CARNS1: variants seen among roughly 807,000 people sequenced by gnomAD.
CARNS1 encodes the protein ATP-grasp domain containing 1.
In CARNS1, 61 loss-of-function variants were observed where a neutral mutation model predicts 74.0. That is an observed-to-expected ratio of 0.82 (90% CI 0.67 to 1.02). The LOEUF is 1.02. Among genes scored for constraint, CARNS1 ranks in the 50% least tolerant of loss-of-function variants. The probability of loss-of-function intolerance (pLI) is 0.00; values close to 1 mark genes in which losing one functional copy is unlikely to be tolerated. For synonymous variants in CARNS1, 568 were observed against 605.5 expected (o/e 0.94, Z 0.91); for missense variants, 1,278 against 1,308.4 (o/e 0.98, Z 0.36).
In CARNS1 at chr11:67,417,431, G is replaced by A. The variant is rs376002904; in HGVS notation, c.28G>A (p.Glu10Lys). MLSLDPSGP[E>K]WDCPLGSKDL... ...GCTCTCCCTGGATCCATCGGGTCCC[G>A]AGTGGGATTGCCCACTGGGCTCCAA... is the stretch of plus-strand genomic sequence containing the variant. Residue 10 changes from glutamate to lysine, a missense_variant, in exon 3 of 10, where the codon GAG (glutamate) becomes AAG (lysine). Coordinates refer to ENST00000687366, the MANE Select transcript of CARNS1 (RefSeq NM_001166222.2). 42 of 1,401,952 alleles carry A rather than the reference G, an allele frequency of 3.0e-5. 1 individual carries two copies. In the South Asian group the frequency reaches 4.3e-4, roughly 14 times the overall value. 86.8% of individuals were successfully genotyped at this position (1,401,952 alleles called of 1,614,324 possible). A position where few individuals can be genotyped will look rare whatever the true frequency, so the allele number is the denominator to read the frequency against.
rs765270372 is a variant in CARNS1 at position 67,424,190 on chromosome 11, C to A, written c.2442C>A (p.Asn814Lys). 4.3e-6 allele frequency: 7 copies of A among 1,613,880 alleles called. No homozygotes were observed. The South Asian group carries it at 7.7e-5, about 18-fold the overall frequency. ...CTGGGCCTCGGCTTATCGAGATCAACCCCCGCATGGGTGGCTTCTACCTGC... is the reference window on the plus strand; with the variant it reads ...CTGGGCCTCGGCTTATCGAGATCAAACCCCGCATGGGTGGCTTCTACCTGC... ...TGAGPRLIEI[N>K]PRMGGFYLRD... Residue 814 changes from asparagine to lysine, a missense_variant, in exon 10 of 10, where the codon AAC (asparagine) becomes AAA (lysine). Physicochemically the swap from Asn to Lys is moderately conservative, Grantham distance 94. Coordinates refer to ENST00000687366, the MANE Select transcript of CARNS1 (RefSeq NM_001166222.2).
chr11:67,424,515 C>A lies in CARNS1; in HGVS notation c.2767C>A (p.Arg923Ser). The A allele has an allele frequency of 6.3e-7, 1 of 1,593,724 alleles. No homozygotes were observed. Among genetic ancestry groups the A allele is most frequent in the Non-Finnish European group, 8.5e-7 (1 of 1,171,894 alleles). The change falls in exon 10 of 10, where the codon CGT becomes AGT. Residue 923 changes from arginine to serine, a missense_variant. By Grantham distance (110) the Arg-to-Ser change is moderately radical. Transcript: ENST00000687366. Reference sequence around the variant, plus strand: ...TGCCGGACCCAGCCCCACCGAGGCCCGTCTCCGCCTGCTGGGCCTCTGCCA... The same window carrying A: ...TGCCGGACCCAGCCCCACCGAGGCCAGTCTCCGCCTGCTGGGCCTCTGCCA... ...ACAGPSPTEA[R>S]LRLLGLCQGL...
rs1323128356 is a variant in CARNS1, at chr11:67,424,086, G to C, written c.2338G>C (p.Val780Leu). The change falls in exon 10 of 10, where the codon GTT (valine) becomes CTT (leucine). Residue 780 changes from valine (V) to leucine (L), a missense_variant. Coordinates refer to ENST00000687366, the MANE Select transcript of CARNS1 (RefSeq NM_001166222.2). ...GLAPEQEAQM[V>L]QAAFRCCLGC... ...GGCACCAGAGCAGGAGGCACAGATG[G>C]TTCAGGCAGCCTTCCGCTGTTGCCT... is the stretch of plus-strand genomic sequence containing the variant. 6.2e-7 allele frequency: 1 copy of C among 1,613,606 alleles called. No homozygotes were observed. Among genetic ancestry groups the C allele is most frequent in the Non-Finnish European group, 8.5e-7 (1 of 1,179,786 alleles).
chr11:67,423,365 G>A lies in CARNS1; in HGVS notation c.1627-10G>A, dbSNP rs886211292. The stretch of plus-strand genomic sequence containing the variant: ...TGACCTGGATATGCCCCACCCTGTG[G>A]CTTCTGCAGCTGCACCTCGTGGAGT... On this transcript the variant is annotated splice_polypyrimidine_tract_variant and intron_variant, in intron 9 of 9. Transcript: ENST00000687366. The surrounding 1 kb of genome is among the most constrained non-coding windows in gnomAD (Gnocchi z 5.1). The A allele has an allele frequency of 5.0e-6, 8 of 1,590,996 alleles. No individual in the cohort carries two copies. In the Admixed American group the frequency reaches 5.1e-5, roughly 10 times the overall value.
rs774816159 is a variant in CARNS1 at position 67,418,415 on chromosome 11, T to C, written c.275-16T>C. 3.5e-6 allele frequency: 5 copies of C among 1,438,706 alleles called. No homozygotes were observed. The highest frequency in any genetic ancestry group is 5.4e-5 in the East Asian group (2 of 37,140). The allele number at this position is 1,438,706 out of a possible 1,614,324, so 89.1% of individuals were successfully genotyped here. Reference sequence around the variant, plus strand: ...AGGGCGCCCCTGGTGAGCTGGGCCATGTTCTCTTTCCCGAGGCTGTCCTGG... The same window carrying C: ...AGGGCGCCCCTGGTGAGCTGGGCCACGTTCTCTTTCCCGAGGCTGTCCTGG... On this transcript the variant is annotated splice_polypyrimidine_tract_variant and intron_variant, in intron 3 of 9. Coordinates refer to ENST00000687366, the MANE Select transcript of CARNS1 (RefSeq NM_001166222.2).
chr11:67,421,246 G>T, intron 9 of CARNS1, 27 bp downstream of exon 9: 1 of 1,463,016 alleles, frequency 6.8e-7, no homozygotes. Flanking sequence ...GCGGGGCTGG[G>T]CCCCAGGTCC....
intron 9 of CARNS1, among the ~76,000 whole-genome samples, 186 bp downstream of exon 9, chr11:67,421,405 C>G (rs1411625780): frequency 2.0e-5 from 3 of 152,328 alleles, no homozygotes; most frequent in Admixed American, 6.5e-5. Flanking sequence ...GAGTCCGCCG[C>G]CCGGTGAGGG....
Position 67,417,672 on chromosome 11 carries a change from G to A in CARNS1, c.269G>A (p.Arg90His), listed in dbSNP as rs1230665215. The A allele has an allele frequency of 8.8e-6, 11 of 1,256,308 alleles. No individual in the cohort carries two copies. The highest frequency in any genetic ancestry group is 4.2e-5 in the Admixed American group (1 of 23,860). The allele number at this position is 1,256,308 out of a possible 1,614,324, so 77.8% of individuals were successfully genotyped here. A position where few individuals can be genotyped will look rare whatever the true frequency, so the allele number is the denominator to read the frequency against. ...PETQDRGQVP[R>H]TGCPGAEVTL... ...ACTCAGGACCGCGGCCAGGTGCCCC[G>A]CACAGGTGCCCAAGGGCTCCCTGGA... The change falls in exon 3 of 10, where the codon CGC becomes CAC. Residue 90 changes from arginine to histidine, a missense_variant. Arg to His is a conservative substitution (Grantham distance 29, BLOSUM62 0). This residue lies in a region of CARNS1 where 104 missense variants were observed against 127.3 expected (regional missense o/e 0.82). Transcript: ENST00000687366.
chr11:67,423,387 G>C lies in CARNS1; in HGVS notation c.1639G>C (p.Glu547Gln). ...GTGGCTTCTGCAGCTGCACCTCGTG[G>C]AGTCAGACCCCAACCACTTTGCATC... is the stretch of plus-strand genomic sequence containing the variant. The part of the protein sequence containing the change: ...RDYGLQLHLV[E>Q]SDPNHFASQL... The change falls in exon 10 of 10, where the codon GAG (glutamate) becomes CAG (glutamine). Residue 547 changes from glutamate to glutamine, a missense_variant. By Grantham distance (29) the Glu-to-Gln change is conservative. Around this residue, in one of 3 missense-constraint regions of CARNS1, gnomAD observed 1,164 missense variants for 1,156.5 expected, o/e 1.01. Transcript: ENST00000687366. This position sits in a 1 kb window ranked among gnomAD's most constrained non-coding sequence, Gnocchi z 5.1. 1 of 1,603,538 alleles carries C rather than the reference G, an allele frequency of 6.2e-7. No homozygotes were observed. Among genetic ancestry groups the C allele is most frequent in the Non-Finnish European group, 8.5e-7 (1 of 1,172,280 alleles).
rs1255323577 is a variant in CARNS1, at chr11:67,418,444, G to A, written c.288G>A (p.Ala96=). Residue 96 remains alanine, a synonymous_variant, in exon 4 of 10, where the codon GCG becomes GCA. Transcript: ENST00000687366. The part of the protein sequence containing the change: ...GQVPRTGCPG[A]EVTLCVLGSP... ...CTCTTTCCCGAGGCTGTCCTGGGGC[G>A]GAGGTGACCTTGTGCGTTCTGGGCT... The A allele has an allele frequency of 4.8e-6, 7 of 1,457,798 alleles. No homozygotes were observed. Among genetic ancestry groups the A allele is most frequent in the South Asian group, 2.7e-5 (2 of 73,568 alleles). 90.3% of individuals were successfully genotyped at this position (1,457,798 alleles called of 1,614,324 possible).
intron 9 of CARNS1, among the ~76,000 whole-genome samples, chr11:67,421,424 C>A (rs1414973940): frequency 6.6e-6 from 1 of 152,194 alleles, no homozygotes; most frequent in African/African-American, 2.4e-5. Flanking sequence ...GGTGAGGGGA[C>A]TCCGCTAGTT....
rs767415356 is a variant in CARNS1, at chr11:67,418,521, G to T, written c.364+1G>T. 2 of 1,527,760 alleles carry T rather than the reference G, an allele frequency of 1.3e-6. No individual in the cohort carries two copies. Among genetic ancestry groups the T allele is most frequent in the Admixed American group, 4.0e-5 (2 of 49,618 alleles). 94.6% of individuals were successfully genotyped at this position (1,527,760 alleles called of 1,614,324 possible). A position where few individuals can be genotyped will look rare whatever the true frequency, so the allele number is the denominator to read the frequency against. Reference sequence around the variant, plus strand: ...CTGGAGGGTGGGGTCCAGAGCCCGGGTGAGTGTATGCTCAAGTTTCCCCAT... The same window carrying T: ...CTGGAGGGTGGGGTCCAGAGCCCGGTTGAGTGTATGCTCAAGTTTCCCCAT... On this transcript the variant is annotated splice_donor_variant, in intron 4 of 9. Transcript: ENST00000687366. LOFTEE classifies it high-confidence loss of function.
At position 67,418,702 on chromosome 11, in the gene CARNS1, G is replaced by A. The variant is rs544657256; in HGVS notation, c.365-54G>A. ...CTTCCACTCCGCTACCCGGGGGCCC[G>A]GGCATAGGGCATCAAGCCTTCCCTG... On this transcript the variant is annotated intron_variant, in intron 4 of 9. Transcript: ENST00000687366. 14 of 1,495,526 alleles carry A rather than the reference G, an allele frequency of 9.4e-6. No individual in the cohort carries two copies. The East Asian group carries it at 1.2e-4, about 13-fold the overall frequency. 92.6% of individuals were successfully genotyped at this position (1,495,526 alleles called of 1,614,324 possible). A position where few individuals can be genotyped will look rare whatever the true frequency, so the allele number is the denominator to read the frequency against.
Position 67,416,214 on chromosome 11 carries a change from G to A in CARNS1, c.3+12G>A. On this transcript the variant is annotated intron_variant, in intron 2 of 9. Transcript: ENST00000687366. ...CCACCCACGAGATGGTGAGTCTTCT[G>A]TGGTCCCTCCCCCACAAGGCCCAAG... is the stretch of plus-strand genomic sequence containing the variant. 1.3e-6 allele frequency: 2 copies of A among 1,536,996 alleles called. No homozygotes were observed.
At position 67,420,673 on chromosome 11, in the gene CARNS1, TG is replaced by T; in HGVS notation, c.1180del (p.Glu394ArgfsTer40). On this transcript the variant is annotated frameshift_variant, in exon 8 of 10. Transcript: ENST00000687366. LOFTEE classifies it high-confidence loss of function. ...LRHHNSLPRTLEVALAQCGLG... is the reference protein window; with the variant it reads ...LRHHNSLPRTXEVALAQCGLG... Reference sequence around the variant, plus strand: ...CACCACAACTCCCTGCCGAGGACGCTGGAGGTGGCGCTGGCCCAGTGCGGCC... The same window carrying T: ...CACCACAACTCCCTGCCGAGGACGCTGAGGTGGCGCTGGCCCAGTGCGGCC... The T allele has an allele frequency of 7.9e-7, 1 of 1,261,336 alleles. No individual in the cohort carries two copies. The highest frequency in any genetic ancestry group is 9.9e-7 in the Non-Finnish European group (1 of 1,005,046). 78.1% of individuals were successfully genotyped at this position (1,261,336 alleles called of 1,614,324 possible). A position where few individuals can be genotyped will look rare whatever the true frequency, so the allele number is the denominator to read the frequency against.
chr11:67,421,257 T>C (rs1360511772), intron 9 of CARNS1, 38 bp downstream of exon 9: 9 of 1,421,342 alleles, frequency 6.3e-6, no homozygotes, highest in Non-Finnish European at 3.6e-6. Context: ...CCCCAGGTCC[T>C]GGCCCGAGTG....
rs61743296 is a variant in CARNS1 at position 67,418,949 on chromosome 11, C to A, written c.558C>A (p.Gly186=). ...GCCTGGGCCTGGGGCCTGGCCGGGG[C>A]CGAGAGGCAGCAGAACTCGCCCGTG... is the stretch of plus-strand genomic sequence containing the variant. ...LAGLGLGPGR[G]REAAELARDL... is the part of the protein sequence containing the mutation. The change falls in exon 5 of 10, where the codon GGC becomes GGA. Residue 186 remains glycine (G), a synonymous_variant. Transcript: ENST00000687366. 7,167 of 1,574,936 alleles carry A rather than the reference C, an allele frequency of 4.6e-3. 265 individuals are homozygous for A. The African/African-American group carries it at 0.083, about 18-fold the overall frequency.
chr11:67,416,954 G>A, intron 2 of CARNS1: 1 of 989,792 alleles, frequency 1.0e-6, no homozygotes, highest in Non-Finnish European at 1.2e-6. Flanking sequence ...GCCGGGTCAT[G>A]AGACAGAAAT....
chr11:67,416,644 G>T, intron 2 of CARNS1: 1 of 998,898 alleles, frequency 1.0e-6, no homozygotes, highest in Non-Finnish European at 1.2e-6. Context: ...CAAGGTGGCC[G>T]AGCCTGTCCC....
Sources: gnomAD v4.1 joint callset for allele counts (sites outside exome capture counted in the v4.1 genomes callset) on GRCh38, gnomAD v4.1.1 for gene constraint, gnomAD v4.1.1 regional missense constraint, Gnocchi (gnomAD v3.1) non-coding constraint, MANE v1.5 for transcripts, NCBI Gene and HGNC (gene_info 2026-07-23, HGNC 2026-07-21) for gene names.